The following LRP2 variants were observed in gnomAD, a reference collection of about 807,000 sequenced individuals.
LRP2 encodes the protein low-density lipoprotein receptor-related protein 2.
In LRP2, 172 loss-of-function variants were observed where a neutral mutation model predicts 531.0. The observed-to-expected ratio is 0.32, with a 90% CI of 0.29 to 0.37. LRP2 has a LOEUF of 0.37. LRP2 is among the 10% of genes least tolerant of loss of function. LRP2 has a pLI of 1.00. For synonymous variants in LRP2, 1,992 were observed against 2,027.6 expected (o/e 0.98, Z 0.47); for missense variants, 5,167 against 5,868.3 (o/e 0.88, Z 3.90).
intron 12 of LRP2, among the ~76,000 whole-genome samples, chr2:169,278,765 T>A (rs2105448711): frequency 6.6e-6 from 1 of 152,338 alleles, no homozygotes; most frequent in East Asian, 1.9e-4. Context: ...ATTGTGAAAT[T>A]CTAGGAGAAA....
chr2:169,256,195 AT>A lies in LRP2; in HGVS notation c.2680del (p.Ile894LeufsTer9). ...TAAACCATCAAAGGTGCTGTGCTCA[AT>A]TTTATCAAAATAGGCATCTACCCAG... Reference protein sequence around the residue: ...LYWVDAYFDKIEHSTFDGLDR... With the variant: ...LYWVDAYFDKXEHSTFDGLDR... On this transcript the variant is annotated frameshift_variant, in exon 19 of 79. Transcript: ENST00000649046. LOFTEE classifies it high-confidence loss of function. 1 of 1,613,056 alleles carries A rather than the reference AT, an allele frequency of 6.2e-7. No homozygotes were observed. The highest frequency in any genetic ancestry group is 8.5e-7 in the Non-Finnish European group (1 of 1,179,254).
At position 169,241,226 on chromosome 2, in the gene LRP2, C is replaced by A; in HGVS notation, c.3807G>T (p.Lys1269Asn). ...AGTGGAAATATGATGAAGGGCAAGT[C>A]TTGGGGACACAGGCATTGTGCTCAT... ...GSDEHNACVPKTCPSSYFHCD... is the reference protein window; with the variant it reads ...GSDEHNACVPNTCPSSYFHCD... The change falls in exon 25 of 79, where the codon AAG (lysine) becomes AAT (asparagine). Residue 1269 changes from lysine (K) to asparagine (N), a missense_variant. This residue lies in a region of LRP2 where 2,811 missense variants were observed against 3,058.0 expected (regional missense o/e 0.92). Coordinates refer to ENST00000649046, the MANE Select transcript of LRP2 (RefSeq NM_004525.3). 1 of 1,614,176 alleles carries A rather than the reference C, an allele frequency of 6.2e-7. No homozygotes were observed. The highest frequency in any genetic ancestry group is 8.5e-7 in the Non-Finnish European group (1 of 1,180,038).
intron 50 of LRP2, 136 bp from the exon 51 acceptor site, chr2:169,182,455 G>A: frequency 6.4e-7 from 1 of 1,559,458 alleles, no homozygotes; most frequent in Non-Finnish European, 8.6e-7. Flanking sequence ...GGCAAATGAG[G>A]GCAGGGGAAA....
chr2:169,199,991 C>T (rs970693163), intron 44 of LRP2, among the ~76,000 whole-genome samples: 1 of 152,182 alleles, frequency 6.6e-6, no homozygotes. Flanking sequence ...TGGCTCACGC[C>T]TGTAATCCCA....
intron 16 of LRP2, among the ~76,000 whole-genome samples, chr2:169,265,030 TC>T (rs1337928478): frequency 2.6e-5 from 4 of 151,674 alleles, no homozygotes; most frequent in African/African-American, 9.7e-5. Flanking sequence ...GACCACCATC[TC>T]CCCACATCTT....
At chr2:169,177,562 AG>A in intron 53 of LRP2, among the ~76,000 whole-genome samples, 1 of 152,246 alleles carries the variant, frequency 6.6e-6, no homozygotes, top group South Asian at 2.1e-4. Context: ...AAAAAAAAAA[AG>A]ATGATCTTGA....
intron 77 of LRP2, among the ~76,000 whole-genome samples, chr2:169,131,374 T>A (rs1046039896): frequency 1.3e-5 from 2 of 151,944 alleles, no homozygotes; most frequent in Non-Finnish European, 2.9e-5. Context: ...TAGGTCAAAT[T>A]TTATTTTGAT....
chr2:169,281,454 T>C lies in LRP2; in HGVS notation c.1172-935A>G, dbSNP rs1309732071. ...AAATAAATAAGGCCGGATGCGGTGG[T>C]TCATGCCTGTAATCCCAGCACTTTG... is the stretch of plus-strand genomic sequence containing the variant. On this transcript the variant is annotated intron_variant, in intron 10 of 78. Transcript: ENST00000649046. 2.1e-5 allele frequency among the ~76,000 whole-genome samples: 3 copies of C among 146,318 alleles called. No individual in the cohort carries two copies. The East Asian group carries it at 6.3e-4, about 31-fold the overall frequency.
intron 48 of LRP2, 103 bp from the exon 49 acceptor site, chr2:169,188,368 G>T (rs1687708870): frequency 1.8e-6 from 2 of 1,124,760 alleles, no homozygotes; most frequent in Admixed American, 1.8e-5. Flanking sequence ...TAAATGCCAG[G>T]TCAACCATTT....
chr2:169,359,096 G>T (rs1686076354), intron 1 of LRP2, among the ~76,000 whole-genome samples: 1 of 151,912 alleles, frequency 6.6e-6, no homozygotes, highest in Non-Finnish European at 1.5e-5. Flanking sequence ...TGTATTTTTA[G>T]ATTATTTTCT....
chr2:169,184,604 G>C (rs1426726366), intron 50 of LRP2, among the ~76,000 whole-genome samples: 1 of 152,188 alleles, frequency 6.6e-6, no homozygotes, highest in Admixed American at 6.5e-5. Flanking sequence ...AAGAAGTGTG[G>C]TTCATCTGGT....
At chr2:169,331,573 C>T (rs1229049240) in intron 1 of LRP2, among the ~76,000 whole-genome samples, 1 of 152,170 alleles carries the variant, frequency 6.6e-6, no homozygotes, top group Admixed American at 6.5e-5. Context: ...GCCCCAATCC[C>T]CACTAGAGAC....
At chr2:169,307,522 C>T (rs959261062) in intron 3 of LRP2, 125 bp from the exon 4 acceptor site, 25 of 696,748 alleles carry the variant, frequency 3.6e-5, no homozygotes, top group Non-Finnish European at 6.2e-5. Context: ...TACCTGGCTA[C>T]CACCAAGCTG....
chr2:169,146,874 C>G lies in LRP2; in HGVS notation c.12676G>C (p.Glu4226Gln). 1 of 1,614,136 alleles carries G rather than the reference C, an allele frequency of 6.2e-7. No homozygotes were observed. ...AGGCCAGTTGGCCAACCAAGGTCCT[C>G]GAAAACCAGGATGTTGCGGTCCTCT... ...NGEDRNILVF[E>Q]DLGWPTGLSI... The change falls in exon 69 of 79, where the codon GAG (glutamate) becomes CAG (glutamine). Residue 4226 changes from glutamate to glutamine, a missense_variant. This residue lies in a region of LRP2 where 564 missense variants were observed against 747.7 expected (regional missense o/e 0.75). Transcript: ENST00000649046.
chr2:169,338,347 GGAAAGAAAGAAGGAAAGAAAGAAA>G (rs1253490739), intron 1 of LRP2, among the ~76,000 whole-genome samples: 12 of 109,948 alleles, frequency 1.1e-4, no homozygotes, highest in South Asian at 1.0e-3. Flanking sequence ...AAAGAAAGAA[GGAAAGAAAGAAGGAAAGAAAGAAA>G]GAAAGAAAGA....
At chr2:169,190,607 T>A (rs957047473) in intron 48 of LRP2, among the ~76,000 whole-genome samples, 1 of 152,168 alleles carries the variant, frequency 6.6e-6, no homozygotes, top group African/African-American at 2.4e-5. Context: ...AGTATATCTT[T>A]CCCACTGTCT....
chr2:169,137,607 T>C, intron 75 of LRP2, 114 bp from the exon 76 acceptor site: 1 of 664,782 alleles, frequency 1.5e-6, no homozygotes, highest in Non-Finnish European at 2.7e-6. Context: ...CACCTGGAGG[T>C]ACGCTAGGTG....
At chr2:169,166,250 A>T (rs1314311388) in intron 61 of LRP2, among the ~76,000 whole-genome samples, 196 bp from the exon 62 acceptor site, 1 of 152,228 alleles carries the variant, frequency 6.6e-6, no homozygotes, top group African/African-American at 2.4e-5. Context: ...ATATGATGGG[A>T]AACAAGAAAG....
rs985082609 is a variant in LRP2, at chr2:169,308,788, G to A, written c.311-1391C>T. On this transcript the variant is annotated intron_variant, in intron 3 of 78. Transcript: ENST00000649046. The stretch of plus-strand genomic sequence containing the variant: ...GTATTTCTAGTTCTAGATCCTTGAG[G>A]AATCGCCACACTGTCTTCCACAATG... Among the ~76,000 whole-genome samples, 26 of 152,142 alleles carry A rather than the reference G, an allele frequency of 1.7e-4. 1 individual carries two copies. The highest frequency in any genetic ancestry group is 5.8e-4 in the African/African-American group (24 of 41,432).
Sources: allele counts gnomAD v4.1 joint callset (sites outside exome capture counted in the v4.1 genomes callset), GRCh38; gene constraint gnomAD v4.1.1; regional missense constraint gnomAD v4.1.1; transcripts MANE v1.5; gene names NCBI Gene and HGNC (gene_info 2026-07-23, HGNC 2026-07-21).